ROBO2: variants seen among roughly 807,000 people sequenced by gnomAD.
ROBO2 encodes the protein roundabout homolog 2.
ROBO2 carries 53 observed loss-of-function variants against 160.8 expected under a neutral mutation model. The ratio of observed to expected loss-of-function variants is 0.33; its 90% CI spans 0.26 to 0.41. The LOEUF (loss-of-function observed/expected upper bound fraction) is 0.41, where lower values mean the gene tolerates loss of function less well. Among genes scored for constraint, ROBO2 ranks in the 10% least tolerant of loss-of-function variants. The probability of loss-of-function intolerance (pLI) is 1.00; values close to 1 mark genes in which losing one functional copy is unlikely to be tolerated. For synonymous variants in ROBO2, 664 were observed against 611.7 expected, an observed-to-expected ratio of 1.09 and a Z score of -1.26; for missense variants, 1,577 against 1,722.4, an observed-to-expected ratio of 0.92 and a Z score of 1.49.
intron 2 of ROBO2, among the ~76,000 whole-genome samples, chr3:76,133,570 A>G (rs1054796416): frequency 7.2e-5 from 11 of 152,086 alleles, no homozygotes; most frequent in African/African-American, 2.7e-4. Flanking sequence ...TCTGAGTCCC[A>G]AACCACAAAA....
chr3:76,384,688 A>T (rs2076796380), intron 2 of ROBO2, among the ~76,000 whole-genome samples: 1 of 152,116 alleles, frequency 6.6e-6, no homozygotes, highest in Non-Finnish European at 1.5e-5. Flanking sequence ...ATCCTTCCTC[A>T]CATGGTGGCA....
intron 5 of ROBO2, among the ~76,000 whole-genome samples, chr3:77,504,664 C>T (rs989589118): frequency 3.9e-5 from 6 of 152,068 alleles, no homozygotes; most frequent in Non-Finnish European, 7.4e-5. Flanking sequence ...AATCGCCAGA[C>T]TAGTCAAATA....
At chr3:76,413,028 AC>A (rs1450694535) in intron 2 of ROBO2, among the ~76,000 whole-genome samples, 1 of 152,240 alleles carries the variant, frequency 6.6e-6, no homozygotes, top group Non-Finnish European at 1.5e-5. Context: ...CCTTCTGTGC[AC>A]ATGCAGTCTC....
intron 1 of ROBO2, among the ~76,000 whole-genome samples, chr3:75,928,861 C>CGT (rs60525375): frequency 0.12 from 13,202 of 108,604 alleles, 942 homozygotes; most frequent in South Asian, 0.22. Context: ...CTGGATAAGA[C>CGT]GTGTGTGTGT....
At chr3:77,212,457 A>C (rs536177986) in intron 2 of ROBO2, among the ~76,000 whole-genome samples, 13 of 152,320 alleles carry the variant, frequency 8.5e-5, no homozygotes, top group African/African-American at 3.1e-4. Context: ...GTTGCCTACC[A>C]GCTTAAGGAG....
At chr3:76,210,781 A>C (rs1472233479) in intron 2 of ROBO2, among the ~76,000 whole-genome samples, 1 of 152,096 alleles carries the variant, frequency 6.6e-6, no homozygotes, top group East Asian at 1.9e-4. Flanking sequence ...GAACTTTGTA[A>C]ACCTGTTCTT....
chr3:76,386,182 T>C (rs2076872001), intron 2 of ROBO2, among the ~76,000 whole-genome samples: 1 of 152,176 alleles, frequency 6.6e-6, no homozygotes, highest in Admixed American at 6.5e-5. Context: ...TACATATTTC[T>C]GAGGATGTAT....
chr3:76,009,823 AC>A (rs2066142976), intron 2 of ROBO2, among the ~76,000 whole-genome samples: 2 of 152,226 alleles, frequency 1.3e-5, no homozygotes, highest in African/African-American at 4.8e-5. Flanking sequence ...TTTATTTCCA[AC>A]ATTTTAATCT....
chr3:76,650,261 A>G (rs1054451493), intron 2 of ROBO2, among the ~76,000 whole-genome samples: 4 of 152,194 alleles, frequency 2.6e-5, no homozygotes, highest in African/African-American at 9.6e-5. Flanking sequence ...CACTAATACA[A>G]TGACCGCCTG....
At chr3:76,040,669 C>T (rs1472840073) in intron 2 of ROBO2, among the ~76,000 whole-genome samples, 3 of 152,016 alleles carry the variant, frequency 2.0e-5, no homozygotes, top group Non-Finnish European at 4.4e-5. Context: ...AAGTACTCAA[C>T]TGCACATTTG....
intron 2 of ROBO2, among the ~76,000 whole-genome samples, chr3:77,365,202 G>T (rs2153472218): frequency 6.6e-6 from 1 of 151,794 alleles, no homozygotes; most frequent in East Asian, 1.9e-4. Context: ...ACTTCAGTGG[G>T]AAAGTATGGA....
chr3:76,163,604 C>T (rs887427296), intron 2 of ROBO2, among the ~76,000 whole-genome samples: 1 of 150,846 alleles, frequency 6.6e-6, no homozygotes, highest in Non-Finnish European at 1.5e-5. Flanking sequence ...GGTTTGGTTT[C>T]AGACGACTAT....
chr3:76,735,222 A>G (rs1020233650), intron 2 of ROBO2, among the ~76,000 whole-genome samples: 4 of 152,234 alleles, frequency 2.6e-5, no homozygotes, highest in African/African-American at 9.6e-5. Context: ...TAAAAAGAAT[A>G]TGGTACATGT....
At chr3:77,444,624 A>T (rs139531031) in intron 2 of ROBO2, among the ~76,000 whole-genome samples, 1 of 152,206 alleles carries the variant, frequency 6.6e-6, no homozygotes, top group African/African-American at 2.4e-5. Context: ...GGAATTATTG[A>T]TTTAGCAGCA....
intron 2 of ROBO2, among the ~76,000 whole-genome samples, chr3:76,333,118 A>C (rs1014009424): frequency 3.3e-5 from 5 of 152,194 alleles, no homozygotes. Context: ...CAGTGTCAGA[A>C]GAGTGTCATT....
intron 1 of ROBO2, among the ~76,000 whole-genome samples, chr3:77,096,743 C>A (rs1022351168): frequency 1.3e-5 from 2 of 152,148 alleles, no homozygotes; most frequent in Admixed American, 6.5e-5. Flanking sequence ...AGCCACCGTG[C>A]CCGGCCTCTC....
chr3:77,489,789 T>C (rs6790141), intron 4 of ROBO2, among the ~76,000 whole-genome samples: 113,328 of 152,068 alleles, frequency 0.75, 42,827 homozygotes, highest in African/African-American at 0.87. Flanking sequence ...TCATGTTAGA[T>C]AGGTAGATAG....
At chr3:76,439,508 G>A (rs1485140711) in intron 2 of ROBO2, among the ~76,000 whole-genome samples, 1 of 152,152 alleles carries the variant, frequency 6.6e-6, no homozygotes, top group Admixed American at 6.6e-5. Context: ...ATGAGAAGTA[G>A]AAGATGACGA....
intron 2 of ROBO2, among the ~76,000 whole-genome samples, chr3:76,622,941 C>A (rs981029168): frequency 6.6e-6 from 1 of 152,136 alleles, no homozygotes; most frequent in Non-Finnish European, 1.5e-5. Flanking sequence ...GATGTGAGAG[C>A]CTTCCTCCGC....
Sources: gnomAD v4.1 joint callset for allele counts (sites outside exome capture counted in the v4.1 genomes callset) on GRCh38, gnomAD v4.1.1 for gene constraint, MANE v1.5 for transcripts, NCBI Gene and HGNC (gene_info 2026-07-23, HGNC 2026-07-21) for gene names.